The following DOP1B variants were observed in gnomAD, a reference collection of about 807,000 sequenced individuals.
The protein encoded by DOP1B is DOP1 leucine zipper like protein B.
In DOP1B, 174 loss-of-function variants were observed where a neutral mutation model predicts 233.5. The ratio of observed to expected loss-of-function variants is 0.75; its 90% CI spans 0.66 to 0.85. The LOEUF (loss-of-function observed/expected upper bound fraction) is 0.85. Ranked by LOEUF, DOP1B falls within the 40% of genes least tolerant of loss-of-function variation. DOP1B has a pLI of 0.00. For synonymous variants in DOP1B, 1,190 were observed against 1,185.6 expected (o/e 1.00, Z -0.08); for missense variants, 2,652 against 2,846.6 (o/e 0.93, Z 1.56).
intron 4 of DOP1B, among the ~76,000 whole-genome samples, chr21:36,203,846 G>A (rs983795081): frequency 6.6e-6 from 1 of 151,566 alleles, no homozygotes; most frequent in East Asian, 1.9e-4. Flanking sequence ...TTTGGGGTCT[G>A]CAGATAACCT....
chr21:36,174,023 C>T (rs1001112136), intron 2 of DOP1B, among the ~76,000 whole-genome samples: 3 of 152,122 alleles, frequency 2.0e-5, no homozygotes, highest in East Asian at 1.9e-4. Context: ...GTTCAGCTTC[C>T]GGAGTCTTCA....
At chr21:36,189,413 C>T (rs2066204541) in intron 2 of DOP1B, among the ~76,000 whole-genome samples, 1 of 152,198 alleles carries the variant, frequency 6.6e-6, no homozygotes, top group African/African-American at 2.4e-5. Context: ...TCAGTTTCTC[C>T]TTTTTAAATT....
chr21:36,226,267 G>GTTCTT (rs1387783324), intron 12 of DOP1B, among the ~76,000 whole-genome samples: 3 of 151,482 alleles, frequency 2.0e-5, no homozygotes, highest in South Asian at 4.2e-4. Context: ...CAATAGAAAT[G>GTTCTT]TTCTTTTCTT....
chr21:36,232,229 C>T (rs774208563), intron 14 of DOP1B, among the ~76,000 whole-genome samples: 1 of 152,138 alleles, frequency 6.6e-6, no homozygotes, highest in Admixed American at 6.5e-5. Flanking sequence ...ATGATCTGCC[C>T]GCCTTGGCCT....
At chr21:36,177,818 T>C (rs2845751) in intron 2 of DOP1B, among the ~76,000 whole-genome samples, 55,480 of 152,134 alleles carry the variant, frequency 0.36, 10,212 homozygotes, top group African/African-American at 0.43. Context: ...CCCTTGAGCT[T>C]GGCCTCTGTA....
intron 14 of DOP1B, among the ~76,000 whole-genome samples, chr21:36,231,470 C>T (rs1308130148): frequency 1.3e-5 from 2 of 152,138 alleles, no homozygotes; most frequent in Non-Finnish European, 2.9e-5. Flanking sequence ...CTATTGGCCT[C>T]ATTTGTTCCC....
chr21:36,246,056 T>A lies in DOP1B; in HGVS notation c.4076T>A (p.Leu1359Gln). The change falls in exon 19 of 37, where the codon CTG becomes CAG. Residue 1359 changes from leucine to glutamine, a missense_variant. Leu to Gln is a moderately radical substitution (Grantham distance 113, BLOSUM62 -2). Coordinates refer to ENST00000691173, the MANE Select transcript of DOP1B (RefSeq NM_001320714.2). This position sits in a 1 kb window ranked among gnomAD's most constrained non-coding sequence, Gnocchi z 5.1. ...VEVLIRIMMQ[L>Q]VSVAKSSEGK... Reference sequence around the variant, plus strand: ...GTTTTGATCAGGATAATGATGCAGCTGGTCTCAGTGGCCAAGTCTTCGGAA... The same window carrying A: ...GTTTTGATCAGGATAATGATGCAGCAGGTCTCAGTGGCCAAGTCTTCGGAA... The A allele has an allele frequency of 2.5e-6, 4 of 1,614,010 alleles. No homozygotes were observed. The highest frequency in any genetic ancestry group is 3.4e-6 in the Non-Finnish European group (4 of 1,180,024).
chr21:36,247,894 C>A (rs2066987615), intron 20 of DOP1B, among the ~76,000 whole-genome samples: 1 of 152,266 alleles, frequency 6.6e-6, no homozygotes, highest in Admixed American at 6.5e-5. Flanking sequence ...GTATGTCAGC[C>A]ATGCAAACAT....
At chr21:36,259,536 C>T (rs2067145738) in intron 23 of DOP1B, among the ~76,000 whole-genome samples, 1 of 152,116 alleles carries the variant, frequency 6.6e-6, no homozygotes, top group African/African-American at 2.4e-5. Context: ...GCTTCCCAAA[C>T]TTCCGGGATT....
Position 36,237,406 on chromosome 21 carries a change from C to A in DOP1B, c.2767C>A (p.Pro923Thr). Residue 923 changes from proline (P) to threonine (T), a missense_variant, in exon 16 of 37, where the codon CCT becomes ACT. Transcript: ENST00000691173. ...CATCATCTGCCATGCCCTCCTGGACCCTGACAAGGTGAGCCTTTCTGGCCG... is the reference window on the plus strand; with the variant it reads ...CATCATCTGCCATGCCCTCCTGGACACTGACAAGGTGAGCCTTTCTGGCCG... ...EDIICHALLD[P>T]DKGTRLEALF... is the part of the protein sequence containing the mutation. 1.2e-6 allele frequency: 2 copies of A among 1,614,050 alleles called. No homozygotes were observed. Among genetic ancestry groups the A allele is most frequent in the Non-Finnish European group, 1.7e-6 (2 of 1,180,028 alleles).
chr21:36,261,790 A>G, intron 24 of DOP1B: 1 of 538,386 alleles, frequency 1.9e-6, no homozygotes, highest in Non-Finnish European at 2.4e-6. Flanking sequence ...GCATGCCTGT[A>G]GTCCCAGCTA....
rs1337525219 is a variant in DOP1B, at chr21:36,245,463, G to C, written c.3483G>C (p.Leu1161=). Reference sequence around the variant, plus strand: ...GGGCGTACCCCAAGCGCTCGGCCCTGCTGGCGGCCTTCCAGTCAGAAAGCT... The same window carrying C: ...GGGCGTACCCCAAGCGCTCGGCCCTCCTGGCGGCCTTCCAGTCAGAAAGCT... The part of the protein sequence containing the change: ...GGRAYPKRSA[L]LAAFQSESFK... Residue 1161 remains leucine, a synonymous_variant, in exon 19 of 37, where the codon CTG becomes CTC. Transcript: ENST00000691173. This position sits in a 1 kb window ranked among gnomAD's most constrained non-coding sequence, Gnocchi z 5.5. The C allele has an allele frequency of 1.2e-6, 2 of 1,613,774 alleles. No individual in the cohort carries two copies. The highest frequency in any genetic ancestry group is 4.5e-5 in the East Asian group (2 of 44,900).
In DOP1B at chr21:36,219,501, T is replaced by C; in HGVS notation, c.1250+9T>C. 1 of 1,613,852 alleles carries C rather than the reference T, an allele frequency of 6.2e-7. No homozygotes were observed. The highest frequency in any genetic ancestry group is 8.5e-7 in the Non-Finnish European group (1 of 1,179,882). ...GGAAATTCGCTGATAAGGTATGGGT[T>C]TGGCCTTGAACCTCACGCATCTCTC... On this transcript the variant is annotated intron_variant, in intron 10 of 36. Coordinates refer to ENST00000691173, the MANE Select transcript of DOP1B (RefSeq NM_001320714.2).
intron 2 of DOP1B, among the ~76,000 whole-genome samples, chr21:36,197,777 A>G (rs1019744398): frequency 2.0e-5 from 3 of 152,226 alleles, no homozygotes; most frequent in Non-Finnish European, 4.4e-5. Flanking sequence ...TGGGAGGCCG[A>G]GGCGGGTGGA....
intron 2 of DOP1B, among the ~76,000 whole-genome samples, chr21:36,197,672 G>T (rs759532942): frequency 1.3e-5 from 2 of 152,200 alleles, no homozygotes; most frequent in Non-Finnish European, 2.9e-5. Context: ...TAGGCAAGGG[G>T]CAGTGAAAGG....
chr21:36,199,365 A>G (rs1430046075), intron 3 of DOP1B, 114 bp downstream of exon 3: 2 of 1,354,142 alleles, frequency 1.5e-6, no homozygotes, highest in Non-Finnish European at 2.0e-6. Flanking sequence ...TGTGTGCAAC[A>G]GTTTATCATA....
At chr21:36,258,162 C>G (rs2067129698) in intron 23 of DOP1B, among the ~76,000 whole-genome samples, 2 of 152,080 alleles carry the variant, frequency 1.3e-5, no homozygotes, top group Non-Finnish European at 2.9e-5. Context: ...GTAATCCCAG[C>G]ACTTTGGGAA....
At chr21:36,196,809 A>G (rs1288306416) in intron 2 of DOP1B, among the ~76,000 whole-genome samples, 1 of 152,126 alleles carries the variant, frequency 6.6e-6, no homozygotes, top group Non-Finnish European at 1.5e-5. Context: ...AGTCCCAGCT[A>G]TTCAGGAGGC....
intron 2 of DOP1B, among the ~76,000 whole-genome samples, chr21:36,187,449 C>T (rs1203362907): frequency 6.6e-6 from 1 of 151,920 alleles, no homozygotes. Context: ...AGACCACTAC[C>T]ACATCTGGCT....
Sources: allele counts gnomAD v4.1 joint callset (sites outside exome capture counted in the v4.1 genomes callset), GRCh38; gene constraint gnomAD v4.1.1; non-coding constraint Gnocchi (gnomAD v3.1); transcripts MANE v1.5; gene names NCBI Gene and HGNC (gene_info 2026-07-23, HGNC 2026-07-21).